Variants in BTG4 observed in about 807,000 individuals in gnomAD.
The protein encoded by BTG4 is protein BTG4.
In BTG4, 10 loss-of-function variants were observed where a neutral mutation model predicts 19.3. The observed-to-expected ratio is 0.52, with a 90% CI of 0.32 to 0.88. BTG4 has a LOEUF of 0.88. BTG4 is among the 40% of genes least tolerant of loss of function. The pLI, the probability that BTG4 is intolerant of heterozygous loss-of-function variation, is 0.04. For synonymous variants in BTG4, 91 were observed against 95.7 expected (o/e 0.95, Z 0.29); for missense variants, 238 against 281.9 (o/e 0.84, Z 1.11).
At chr11:111,486,236 G>C (rs766263588) in intron 5 of BTG4, among the ~76,000 whole-genome samples, 3 of 152,080 alleles carry the variant, frequency 2.0e-5, no homozygotes, top group Non-Finnish European at 4.4e-5. Flanking sequence ...AGGAGTTCAA[G>C]AACCAGCCTG....
intron 5 of BTG4, among the ~76,000 whole-genome samples, chr11:111,481,589 TA>T (rs1864745137): frequency 6.6e-6 from 1 of 151,732 alleles, no homozygotes; most frequent in African/African-American, 2.4e-5. Flanking sequence ...TATTAGCAAA[TA>T]AATTTCAGCA....
At chr11:111,407,931 C>A in the BTG4 span, among the ~76,000 whole-genome samples, 1 of 152,172 alleles carries the variant, frequency 6.6e-6, no homozygotes, top group Admixed American at 6.5e-5. Flanking sequence ...CAATGAGAAT[C>A]AGAAGGGCAG....
At chr11:111,463,389 G>A (rs1291641419), downstream of BTG4, 1 of 152,578 alleles carries the variant, frequency 6.6e-6, no homozygotes, top group African/African-American at 2.4e-5. Context: ...CTTCTCTCAG[G>A]GACCGGGCTG....
chr11:111,493,282 C>T (rs183403966), downstream of BTG4, among the ~76,000 whole-genome samples: 2 of 152,258 alleles, frequency 1.3e-5, no homozygotes, highest in Admixed American at 6.5e-5. Context: ...ACATTTTAAA[C>T]TGGAGAGTAA....
At chr11:111,437,212 C>G in the BTG4 span, among the ~76,000 whole-genome samples, 1 of 152,048 alleles carries the variant, frequency 6.6e-6, no homozygotes, top group African/African-American at 2.4e-5. Context: ...TCTTTGGCTT[C>G]CATCCACTAC....
At chr11:111,395,881 C>T in the BTG4 span, among the ~76,000 whole-genome samples, 22 of 152,360 alleles carry the variant, frequency 1.4e-4, no homozygotes, top group Admixed American at 5.2e-4. Context: ...CTTAGAGGCA[C>T]GCCTCCTGCA....
intron 1 of BTG4, chr11:111,508,035 C>T (rs1866584019): frequency 6.6e-6 from 1 of 152,182 alleles, no homozygotes; most frequent in Non-Finnish European, 1.5e-5. Flanking sequence ...ACTAAACATG[C>T]CTATACCTAA....
At chr11:111,455,436 C>CG in the BTG4 span, 1 of 234,774 alleles carries the variant, frequency 4.3e-6, no homozygotes, top group South Asian at 5.8e-5. Flanking sequence ...CCGGAGGAGG[C>CG]ACCTGGCAGG....
the BTG4 span, among the ~76,000 whole-genome samples, chr11:111,436,706 C>T: frequency 1.3e-5 from 2 of 152,146 alleles, no homozygotes; most frequent in East Asian, 1.9e-4. Flanking sequence ...GGGTGCAGAC[C>T]GTACCTGACC....
At chr11:111,439,165 C>A in the BTG4 span, among the ~76,000 whole-genome samples, 2 of 152,232 alleles carry the variant, frequency 1.3e-5, no homozygotes. Context: ...AACAGCAGAG[C>A]CTTCTCAGCT....
chr11:111,395,707 G>A, the BTG4 span, among the ~76,000 whole-genome samples: 2 of 152,170 alleles, frequency 1.3e-5, no homozygotes, highest in South Asian at 4.2e-4. Flanking sequence ...GAGCAGGTGG[G>A]GCCCACAGGC....
At chr11:111,384,508 C>T in the BTG4 span, among the ~76,000 whole-genome samples, 1 of 152,062 alleles carries the variant, frequency 6.6e-6, no homozygotes, top group South Asian at 2.1e-4. Context: ...TACTTTTCCA[C>T]AGCAAAACTA....
At chr11:111,440,501 T>G in the BTG4 span, among the ~76,000 whole-genome samples, 2 of 152,220 alleles carry the variant, frequency 1.3e-5, no homozygotes, top group African/African-American at 4.8e-5. Context: ...TACTAGGAGC[T>G]GACATCCTTT....
chr11:111,466,293 A>G (rs952468983), downstream of BTG4, among the ~76,000 whole-genome samples: 19 of 152,146 alleles, frequency 1.2e-4, no homozygotes, highest in African/African-American at 4.6e-4. Flanking sequence ...AAAAACAATT[A>G]AAAAAATAGA....
chr11:111,418,790 C>T, the BTG4 span, among the ~76,000 whole-genome samples: 9 of 152,314 alleles, frequency 5.9e-5, no homozygotes, highest in Middle Eastern at 3.4e-3. Context: ...TCTAAGCCAC[C>T]GTTCTCTTGG....
the BTG4 span, among the ~76,000 whole-genome samples, chr11:111,411,772 CA>C: frequency 4.0e-3 from 604 of 152,158 alleles, 4 homozygotes; most frequent in Admixed American, 9.0e-3. Flanking sequence ...TCTCCTCCAA[CA>C]AAAAAAGTAA....
chr11:111,455,753 G>A, the BTG4 span: 32 of 445,172 alleles, frequency 7.2e-5, no homozygotes, highest in Admixed American at 6.2e-4. Flanking sequence ...CTGTGCCCCT[G>A]CAGGGCAGTT....
At chr11:111,398,801 C>T in the BTG4 span, among the ~76,000 whole-genome samples, 17 of 150,778 alleles carry the variant, frequency 1.1e-4, no homozygotes, top group African/African-American at 3.4e-4. Context: ...TTTTTTTTAA[C>T]ATTATAGAGT....
intron 5 of BTG4, among the ~76,000 whole-genome samples, chr11:111,474,711 ATG>A (rs1864294284): frequency 6.6e-6 from 1 of 152,146 alleles, no homozygotes; most frequent in African/African-American, 2.4e-5. Context: ...GGACATGGAT[ATG>A]TTCAGTGTTA....
Sources: allele counts gnomAD v4.1 joint callset (sites outside exome capture counted in the v4.1 genomes callset), GRCh38; gene constraint gnomAD v4.1.1; transcripts MANE v1.5; gene names NCBI Gene and HGNC (gene_info 2026-07-23, HGNC 2026-07-21).